The following GFRA1 variants were observed in gnomAD, a reference collection of about 807,000 sequenced individuals.
The protein encoded by GFRA1 is GDNF family receptor alpha-1.
GFRA1 carries 16 observed loss-of-function variants against 51.6 expected under a neutral mutation model. The ratio of observed to expected loss-of-function variants is 0.31; its 90% confidence interval spans 0.21 to 0.47. The LOEUF is 0.47. GFRA1 is among the 20% of genes least tolerant of loss of function. GFRA1 has a pLI of 1.00. For synonymous variants in GFRA1, 270 were observed against 241.3 expected (o/e 1.12, Z -1.10); for missense variants, 530 against 594.3 (o/e 0.89, Z 1.13).
upstream of GFRA1, among the ~76,000 whole-genome samples, chr10:116,273,923 TCA>T (rs1758355320): frequency 6.6e-6 from 1 of 151,954 alleles, no homozygotes; most frequent in Admixed American, 6.5e-5. Flanking sequence ...ACACTCACAC[TCA>T]CACGCACACA....
rs535582261 is a variant in GFRA1 at position 116,109,171 on chromosome 10, C to G, written c.771-12407G>C. Among the ~76,000 whole-genome samples the G allele has an allele frequency of 1.4e-4, 22 of 152,284 alleles. 1 individual carries two copies. In the South Asian group the frequency reaches 4.3e-3, roughly 30 times the overall value. On this transcript the variant is annotated intron_variant, in intron 6 of 10. Transcript: ENST00000355422. ...GGACACGAGGTCCCAGAGAGGTCCACGACCAGCCCAAAGTCATGGAGCAGG... is the reference window on the plus strand; with the variant it reads ...GGACACGAGGTCCCAGAGAGGTCCAGGACCAGCCCAAAGTCATGGAGCAGG...
chr10:116,222,348 G>A (rs1415311142), intron 4 of GFRA1, among the ~76,000 whole-genome samples: 2 of 152,120 alleles, frequency 1.3e-5, no homozygotes, highest in Non-Finnish European at 1.5e-5. Flanking sequence ...ACAGGTGCCC[G>A]CCACCACACC....
At chr10:116,143,117 T>C (rs1958642972) in intron 5 of GFRA1, among the ~76,000 whole-genome samples, 1 of 152,172 alleles carries the variant, frequency 6.6e-6, no homozygotes, top group South Asian at 2.1e-4. Context: ...CCATACAGGA[T>C]GGAGGTGGGG....
chr10:116,182,454 TAA>T (rs1353747192), intron 5 of GFRA1, among the ~76,000 whole-genome samples: 1 of 152,172 alleles, frequency 6.6e-6, no homozygotes, highest in East Asian at 1.9e-4. Flanking sequence ...GTCAAAAGCC[TAA>T]ACAAACACTT....
chr10:116,269,873 G>T (rs1843758939), intron 3 of GFRA1, among the ~76,000 whole-genome samples: 1 of 152,092 alleles, frequency 6.6e-6, no homozygotes, highest in African/African-American at 2.4e-5. Flanking sequence ...ATCAGAGAGG[G>T]AAGAGCCGGT....
At chr10:116,241,644 T>C (rs1967388819) in intron 4 of GFRA1, among the ~76,000 whole-genome samples, 1 of 152,156 alleles carries the variant, frequency 6.6e-6, no homozygotes, top group Admixed American at 6.5e-5. Context: ...GATGGTCAAA[T>C]TGGATATTTT....
intron 5 of GFRA1, among the ~76,000 whole-genome samples, chr10:116,190,101 C>T (rs768671416): frequency 2.0e-5 from 3 of 152,208 alleles, no homozygotes; most frequent in Non-Finnish European, 4.4e-5. Flanking sequence ...GCCAACATGG[C>T]ACTGGACACA....
chr10:116,267,683 G>A (rs1322977463), intron 4 of GFRA1, among the ~76,000 whole-genome samples: 1 of 152,014 alleles, frequency 6.6e-6, no homozygotes, highest in East Asian at 1.9e-4. Flanking sequence ...GTTTGCCTCT[G>A]GCACCTAGCA....
chr10:116,255,406 CT>C (rs1968747230), intron 4 of GFRA1, among the ~76,000 whole-genome samples: 2 of 151,696 alleles, frequency 1.3e-5, no homozygotes, highest in Non-Finnish European at 2.9e-5. Context: ...GCCAGTGAAC[CT>C]TATACTGCTA....
At chr10:116,189,821 AAT>A (rs1963087675) in intron 5 of GFRA1, among the ~76,000 whole-genome samples, 1 of 152,182 alleles carries the variant, frequency 6.6e-6, no homozygotes. Flanking sequence ...ATCGATATAG[AAT>A]AGTTATCTAT....
intron 5 of GFRA1, among the ~76,000 whole-genome samples, chr10:116,162,667 T>A (rs889529559): frequency 1.3e-5 from 2 of 152,228 alleles, no homozygotes; most frequent in African/African-American, 4.8e-5. Context: ...ACTAACAGGA[T>A]AGACTTTTTA....
chr10:116,080,850 T>C (rs1164890236), intron 9 of GFRA1, among the ~76,000 whole-genome samples: 3 of 152,176 alleles, frequency 2.0e-5, no homozygotes, highest in Non-Finnish European at 2.9e-5. Flanking sequence ...AGTCACGTGG[T>C]CAATGATTCA....
intron 6 of GFRA1, among the ~76,000 whole-genome samples, chr10:116,114,566 T>C (rs1233342310): frequency 6.6e-6 from 1 of 152,160 alleles, no homozygotes; most frequent in African/African-American, 2.4e-5. Flanking sequence ...TTAATTTTTA[T>C]TTTTAATTTT....
chr10:116,100,222 A>G (rs1956763857), intron 6 of GFRA1, among the ~76,000 whole-genome samples: 1 of 152,354 alleles, frequency 6.6e-6, no homozygotes, highest in Middle Eastern at 3.4e-3. Context: ...ACAACTACGA[A>G]GTATTTGTAC....
chr10:116,238,066 A>G (rs922904634), intron 4 of GFRA1, among the ~76,000 whole-genome samples: 7 of 152,198 alleles, frequency 4.6e-5, no homozygotes, highest in African/African-American at 1.7e-4. Context: ...TAAAGCTGAC[A>G]CACGGAGCCT....
At chr10:116,227,398 G>A (rs1079261) in intron 4 of GFRA1, among the ~76,000 whole-genome samples, 36,683 of 152,146 alleles carry the variant, frequency 0.24, 5,169 homozygotes, top group South Asian at 0.41. Flanking sequence ...TGTGGCCAGC[G>A]TCATGGTGCT....
chr10:116,119,331 G>A (rs979978583), intron 6 of GFRA1, among the ~76,000 whole-genome samples: 2 of 152,250 alleles, frequency 1.3e-5, no homozygotes, highest in East Asian at 1.9e-4. Flanking sequence ...CAGGCAGCTC[G>A]TGCAGGTGGG....
At chr10:116,199,333 T>TG (rs2134378676) in intron 5 of GFRA1, among the ~76,000 whole-genome samples, 1 of 152,312 alleles carries the variant, frequency 6.6e-6, no homozygotes, top group South Asian at 2.1e-4. Context: ...CCTCCTCCTC[T>TG]GGGGTGGTCC....
At chr10:116,136,321 G>A (rs1211276970) in intron 5 of GFRA1, among the ~76,000 whole-genome samples, 1 of 152,150 alleles carries the variant, frequency 6.6e-6, no homozygotes, top group African/African-American at 2.4e-5. Flanking sequence ...CATTTTATGG[G>A]GTACAAACTG....
Sources: allele counts gnomAD v4.1 joint callset (sites outside exome capture counted in the v4.1 genomes callset), GRCh38; gene constraint gnomAD v4.1.1; transcripts MANE v1.5; gene names NCBI Gene and HGNC (gene_info 2026-07-23, HGNC 2026-07-21).